Variants in VPS37A observed in about 807,000 individuals in gnomAD.
VPS37A encodes the protein VPS37A subunit of ESCRT-I.
In VPS37A, 30 loss-of-function variants were observed where a neutral mutation model predicts 49.8. That is an observed-to-expected ratio of 0.60 (90% CI 0.45 to 0.82). VPS37A has a LOEUF of 0.82. VPS37A is among the 40% of genes least tolerant of loss of function. VPS37A has a pLI of 0.00. For synonymous variants in VPS37A, 195 were observed against 160.6 expected, an observed-to-expected ratio of 1.21 and a Z score of -1.62; for missense variants, 593 against 464.4, an observed-to-expected ratio of 1.28 and a Z score of -2.55.
chr8:17,332,706 C>T, the VPS37A span, among the ~76,000 whole-genome samples: 60 of 152,320 alleles, frequency 3.9e-4, no homozygotes, highest in Non-Finnish European at 6.0e-4. Flanking sequence ...ATAGGTCGAA[C>T]CATTAAGTCA....
intron 4 of VPS37A, among the ~76,000 whole-genome samples, chr8:17,273,502 G>A (rs905564654): frequency 6.6e-6 from 1 of 152,064 alleles, no homozygotes; most frequent in Non-Finnish European, 1.5e-5. Context: ...GAGTAGCTGG[G>A]ACTACAGGCG....
At chr8:17,331,085 T>G in the VPS37A span, 6 of 1,548,036 alleles carry the variant, frequency 3.9e-6, no homozygotes, top group Non-Finnish European at 5.2e-6. Flanking sequence ...CAAGACTATC[T>G]TATTCCCTTT....
intron 6 of VPS37A, among the ~76,000 whole-genome samples, chr8:17,277,622 C>A (rs970493370): frequency 6.6e-6 from 1 of 151,896 alleles, no homozygotes; most frequent in Non-Finnish European, 1.5e-5. Flanking sequence ...ATTTTTCTAC[C>A]AGGTAAGGAT....
At chr8:17,284,144 G>C (rs932548421) in intron 9 of VPS37A, among the ~76,000 whole-genome samples, 1 of 152,226 alleles carries the variant, frequency 6.6e-6, no homozygotes. Context: ...GGAATACCAG[G>C]AGGTGAGGTC....
At chr8:17,290,988 T>G (rs1231460964) in intron 11 of VPS37A, among the ~76,000 whole-genome samples, 1 of 152,144 alleles carries the variant, frequency 6.6e-6, no homozygotes, top group Non-Finnish European at 1.5e-5. Flanking sequence ...TAGGTTGTAT[T>G]TCTGTGGGAT....
chr8:17,302,856 G>A (rs1484176259), downstream of VPS37A, among the ~76,000 whole-genome samples: 2 of 151,652 alleles, frequency 1.3e-5, no homozygotes, highest in Non-Finnish European at 2.9e-5. Context: ...GGGATTACAG[G>A]CATGCACCAC....
downstream of VPS37A, among the ~76,000 whole-genome samples, chr8:17,305,492 T>C (rs1450602132): frequency 6.6e-6 from 1 of 152,168 alleles, no homozygotes; most frequent in East Asian, 1.9e-4. Flanking sequence ...CTCCAGAAAA[T>C]TCCCTTTCGA....
At chr8:17,265,857 A>T in intron 1 of VPS37A, 50 bp from the exon 2 acceptor site, 1 of 1,612,102 alleles carries the variant, frequency 6.2e-7, no homozygotes, top group Non-Finnish European at 8.5e-7. Context: ...GGTTTTTAAC[A>T]ATAATGGTTT....
chr8:17,299,157 A>C (rs548756425), downstream of VPS37A: 2 of 152,314 alleles, frequency 1.3e-5, no homozygotes, highest in African/African-American at 4.8e-5. Flanking sequence ...TGTTGCTTCT[A>C]CCTCGTTAGC....
chr8:17,281,708 C>A (rs1815069970), intron 9 of VPS37A, among the ~76,000 whole-genome samples: 2 of 151,802 alleles, frequency 1.3e-5, no homozygotes, highest in Admixed American at 1.3e-4. Flanking sequence ...CAAAAATAAA[C>A]AATCAAAAAT....
the VPS37A span, among the ~76,000 whole-genome samples, chr8:17,318,040 A>T: frequency 1.3e-5 from 2 of 152,122 alleles, no homozygotes; most frequent in Non-Finnish European, 1.5e-5. Flanking sequence ...GCTGGAACTG[A>T]GACTCCCTAC....
the VPS37A span, chr8:17,331,426 T>TTG: frequency 8.5e-6 from 7 of 828,164 alleles, no homozygotes; most frequent in Non-Finnish European, 1.3e-5. Context: ...CACTGCAACC[T>TTG]TGTACTGAAC....
At chr8:17,300,125 T>C (rs778221615), downstream of VPS37A, 2 of 1,614,172 alleles carry the variant, frequency 1.2e-6, no homozygotes, top group Non-Finnish European at 8.5e-7. Context: ...TTGGCTATGC[T>C]GTTGTCTGAG....
At chr8:17,307,297 A>C (rs1224595353), downstream of VPS37A, among the ~76,000 whole-genome samples, 1 of 152,248 alleles carries the variant, frequency 6.6e-6, no homozygotes, top group Non-Finnish European at 1.5e-5. Context: ...GCTCATCATC[A>C]CTGGCCATCA....
chr8:17,265,287 C>T (rs866567298), intron 1 of VPS37A, among the ~76,000 whole-genome samples: 1 of 152,166 alleles, frequency 6.6e-6, no homozygotes, highest in Admixed American at 6.5e-5. Flanking sequence ...TATTTTCCTA[C>T]AATTTCTCCC....
At chr8:17,275,408 A>G (rs1012545821) in intron 5 of VPS37A, among the ~76,000 whole-genome samples, 3 of 152,234 alleles carry the variant, frequency 2.0e-5, no homozygotes, top group African/African-American at 7.2e-5. Context: ...ACAAGGGGAT[A>G]CATAAGGCAT....
chr8:17,323,665 A>G, the VPS37A span, among the ~76,000 whole-genome samples: 1 of 152,114 alleles, frequency 6.6e-6, no homozygotes, highest in Non-Finnish European at 1.5e-5. Flanking sequence ...GGGTCATTCC[A>G]CACACCTCAT....
At chr8:17,308,322 C>A in the VPS37A span, among the ~76,000 whole-genome samples, 11 of 152,086 alleles carry the variant, frequency 7.2e-5, no homozygotes, top group African/African-American at 2.7e-4. Flanking sequence ...AATAGAACCC[C>A]AAACTGAAAA....
chr8:17,259,525 T>C (rs1378421740), intron 1 of VPS37A, among the ~76,000 whole-genome samples: 1 of 152,156 alleles, frequency 6.6e-6, no homozygotes, highest in East Asian at 1.9e-4. Context: ...TTCCATGTGC[T>C]GATGAAAAGA....
Sources: gnomAD v4.1 joint callset for allele counts (sites outside exome capture counted in the v4.1 genomes callset) on GRCh38, gnomAD v4.1.1 for gene constraint, MANE v1.5 for transcripts, NCBI Gene and HGNC (gene_info 2026-07-23, HGNC 2026-07-21) for gene names.